ACACB: variants seen among roughly 807,000 people sequenced by gnomAD.
ACACB encodes acetyl-CoA carboxylase 2.
ACACB carries 209 observed loss-of-function variants against 278.8 expected under a neutral mutation model. The observed-to-expected ratio is 0.75, with a 90% CI of 0.67 to 0.84. The LOEUF is 0.84. Ranked by LOEUF, ACACB falls within the 40% of genes least tolerant of loss-of-function variation. The probability of loss-of-function intolerance (pLI) is 0.00; values close to 1 mark genes in which losing one functional copy is unlikely to be tolerated. For synonymous variants in ACACB, 1,174 were observed against 1,285.6 expected (o/e 0.91, Z 1.86); for missense variants, 2,850 against 3,269.0 (o/e 0.87, Z 3.13).
At chr12:109,171,772 A>C (rs774834949) in intron 4 of ACACB, 33 bp from the exon 5 acceptor site, 6 of 1,521,114 alleles carry the variant, frequency 3.9e-6, no homozygotes, top group Non-Finnish European at 5.5e-6. Flanking sequence ...GTCTGTCAGC[A>C]GTTCCTTCCT....
Position 109,264,356 on chromosome 12 carries a change from C to G in ACACB, c.6912C>G (p.Pro2304=), listed in dbSNP as rs151159795. ...AVQFADFHDT[P]GRMLEKGVIS... ...AGTTCGCCGACTTCCATGACACACCCGGCCGGATGCTGGAGAAGGGCGTCA... is the reference window on the plus strand; with the variant it reads ...AGTTCGCCGACTTCCATGACACACCGGGCCGGATGCTGGAGAAGGGCGTCA... Residue 2304 remains proline, a synonymous_variant, in exon 50 of 53, where the codon CCC becomes CCG. Coordinates refer to ENST00000338432, the MANE Select transcript of ACACB (RefSeq NM_001093.4). The G allele has an allele frequency of 5.0e-6, 8 of 1,613,896 alleles. No homozygotes were observed. The Admixed American group carries it at 8.3e-5, about 17-fold the overall frequency.
upstream of ACACB, among the ~76,000 whole-genome samples, chr12:109,112,869 G>A (rs2042336501): frequency 6.6e-6 from 1 of 152,124 alleles, no homozygotes; most frequent in Non-Finnish European, 1.5e-5. Context: ...GAAGGGTCAG[G>A]TGGTAAATAT....
At chr12:109,173,659 G>A (rs187840060) in intron 6 of ACACB, among the ~76,000 whole-genome samples, 9 of 152,320 alleles carry the variant, frequency 5.9e-5, no homozygotes, top group East Asian at 1.9e-4. Flanking sequence ...AAACATGGTC[G>A]TGCTTATTCG....
At chr12:109,220,093 G>A (rs2046116791) in intron 24 of ACACB, among the ~76,000 whole-genome samples, 1 of 152,054 alleles carries the variant, frequency 6.6e-6, no homozygotes, top group South Asian at 2.1e-4. Flanking sequence ...CTCTCTTCTG[G>A]GCATGAAGTC....
intron 19 of ACACB, among the ~76,000 whole-genome samples, chr12:109,203,330 G>C (rs548332055): frequency 1.6e-4 from 25 of 152,284 alleles, no homozygotes; most frequent in African/African-American, 5.5e-4. Flanking sequence ...ATGAGTGTAC[G>C]ATTTTCTTAG....
chr12:109,187,539 C>T (rs550083131), intron 12 of ACACB, among the ~76,000 whole-genome samples: 1 of 151,972 alleles, frequency 6.6e-6, no homozygotes, highest in South Asian at 2.1e-4. Flanking sequence ...TGCCTCACTG[C>T]AGCCTAATCT....
intron 2 of ACACB, among the ~76,000 whole-genome samples, chr12:109,163,194 G>A (rs34392052): frequency 6.6e-6 from 1 of 152,128 alleles, no homozygotes; most frequent in Non-Finnish European, 1.5e-5. Flanking sequence ...CATAGTGCTG[G>A]GATTACAGGC....
At chr12:109,134,052 G>C (rs1357972613) in intron 1 of ACACB, among the ~76,000 whole-genome samples, 1 of 151,282 alleles carries the variant, frequency 6.6e-6, no homozygotes. Context: ...CCAAAGTGTT[G>C]GGATTACAGA....
At chr12:109,175,479 G>A (rs1406482917) in intron 7 of ACACB, among the ~76,000 whole-genome samples, 2 of 152,112 alleles carry the variant, frequency 1.3e-5, no homozygotes, top group African/African-American at 4.8e-5. Context: ...GTAGTGGCAT[G>A]ATCATAGCTC....
intron 41 of ACACB, among the ~76,000 whole-genome samples, chr12:109,251,535 A>AC (rs2047094835): frequency 6.6e-6 from 1 of 152,206 alleles, no homozygotes; most frequent in African/African-American, 2.4e-5. Flanking sequence ...TCTAGGACCC[A>AC]CCGTAAGTTA....
chr12:109,171,033 T>G (rs1205523364), intron 4 of ACACB, among the ~76,000 whole-genome samples: 6 of 149,766 alleles, frequency 4.0e-5, no homozygotes, highest in Non-Finnish European at 7.4e-5. Flanking sequence ...TTTTTTTTTT[T>G]TGTGGAGACA....
rs540153010 is a variant in ACACB, at chr12:109,266,310, G to A, written c.7325G>A (p.Arg2442Gln). Reference sequence around the variant, plus strand: ...AGCCAGCACATCAGCCCAGCTGAGCGGGCGCAGGTCGTTCACCTGCTGTCT... The same window carrying A: ...AGCCAGCACATCAGCCCAGCTGAGCAGGCGCAGGTCGTTCACCTGCTGTCT... ...YLSQHISPAE[R>Q]AQVVHLLSTM... The change falls in exon 53 of 53, where the codon CGG (arginine) becomes CAG (glutamine). Residue 2442 changes from arginine (R) to glutamine (Q), a missense_variant. Arg to Gln is a conservative substitution (Grantham distance 43). This residue lies in a region of ACACB where 579 missense variants were observed against 684.6 expected (regional missense o/e 0.85). Transcript: ENST00000338432. The A allele has an allele frequency of 1.9e-5, 31 of 1,613,480 alleles. 1 individual carries two copies. The highest frequency in any genetic ancestry group is 3.3e-4 in the Middle Eastern group (2 of 6,082).
intron 4 of ACACB, among the ~76,000 whole-genome samples, chr12:109,169,148 A>AAAG: frequency 6.6e-6 from 1 of 151,390 alleles, no homozygotes; most frequent in East Asian, 1.9e-4. Context: ...GTCTCAAAAA[A>AAAG]AAAAAAAAAA....
In ACACB at chr12:109,241,216, A is replaced by C; in HGVS notation, c.4957A>C (p.Asn1653His). Residue 1653 changes from asparagine (N) to histidine (H), a missense_variant, in exon 36 of 53, where the codon AAT (asparagine) becomes CAT (histidine). Transcript: ENST00000338432. The stretch of plus-strand genomic sequence containing the variant: ...CGTTCCCATCCGCCTGTTCATCACC[A>C]ATGAGTCGGGCTACTACCTGGACAT... ...SAVPIRLFIT[N>H]ESGYYLDISL... 6.2e-7 allele frequency: 1 copy of C among 1,614,204 alleles called. No homozygotes were observed. The highest frequency in any genetic ancestry group is 8.5e-7 in the Non-Finnish European group (1 of 1,180,044).
chr12:109,190,183 C>T (rs566566328), intron 13 of ACACB, among the ~76,000 whole-genome samples: 65 of 152,284 alleles, frequency 4.3e-4, no homozygotes, highest in Middle Eastern at 3.4e-3. Context: ...CCTGCCCACA[C>T]TCACCATGAA....
At position 109,225,912 on chromosome 12, in the gene ACACB, G is replaced by GAATAT. The variant is rs2046300027; in HGVS notation, c.3883-1459_3883-1458insAATAT. ...GAAATGATAATATTTGCATATGTGG[G>GAATAT]GTGAAATAAAATATATTATTAAAAT... On this transcript the variant is annotated intron_variant, in intron 27 of 52. Coordinates refer to ENST00000338432, the MANE Select transcript of ACACB (RefSeq NM_001093.4). 4.6e-5 allele frequency among the ~76,000 whole-genome samples: 7 copies of GAATAT among 152,054 alleles called. No homozygotes were observed. In the South Asian group the frequency reaches 1.2e-3, roughly 27 times the overall value.
At chr12:109,173,684 A>G (rs1469255076) in intron 6 of ACACB, among the ~76,000 whole-genome samples, 1 of 152,220 alleles carries the variant, frequency 6.6e-6, no homozygotes, top group Non-Finnish European at 1.5e-5. Context: ...TGTATTGCCT[A>G]TGGCTGCTTT....
chr12:109,231,596 G>A (rs919273072), intron 28 of ACACB, among the ~76,000 whole-genome samples: 1 of 152,074 alleles, frequency 6.6e-6, no homozygotes, highest in African/African-American at 2.4e-5. Flanking sequence ...CCCCAGGTTC[G>A]ATCATCGCCT....
upstream of ACACB, among the ~76,000 whole-genome samples, chr12:109,112,688 CAAAAAAAA>C (rs57131257): frequency 2.9e-5 from 3 of 103,368 alleles, no homozygotes; most frequent in African/African-American, 9.6e-5. Context: ...AACTCCGTCT[CAAAAAAAA>C]AAAAAAAAAA....
Sources: allele counts gnomAD v4.1 joint callset (sites outside exome capture counted in the v4.1 genomes callset), GRCh38; gene constraint gnomAD v4.1.1; regional missense constraint gnomAD v4.1.1; transcripts MANE v1.5; gene names NCBI Gene and HGNC (gene_info 2026-07-23, HGNC 2026-07-21).